The following AK5 variants were observed in gnomAD, a reference collection of about 807,000 sequenced individuals.
The protein encoded by AK5 is adenylate kinase 5, also known as adenylate kinase isoenzyme 5.
In AK5, 27 loss-of-function variants were observed where a neutral mutation model predicts 69.5. The ratio of observed to expected loss-of-function variants is 0.39; its 90% CI spans 0.29 to 0.54. The LOEUF is 0.54. Ranked by LOEUF, AK5 falls within the 20% of genes least tolerant of loss-of-function variation. The pLI is 0.71. For synonymous variants in AK5, 260 were observed against 244.4 expected (o/e 1.06, Z -0.60); for missense variants, 531 against 700.4 (o/e 0.76, Z 2.73).
Position 77,444,863 on chromosome 1 carries a change from A to T in AK5, c.1059+27148A>T, listed in dbSNP as rs1233354436. Among the ~76,000 whole-genome samples the T allele has an allele frequency of 2.0e-5, 3 of 151,338 alleles. No individual in the cohort carries two copies. In the East Asian group the frequency reaches 5.8e-4, roughly 29 times the overall value. ...AAGTGCTGGGATTATCAGGTATAAA[A>T]CACCATCGCTGGCCAATATCTGATC... On this transcript the variant is annotated intron_variant, in intron 8 of 13. Transcript: ENST00000354567.
At chr1:77,527,705 A>G in intron 12 of AK5, among the ~76,000 whole-genome samples, 1 of 152,232 alleles carries the variant, frequency 6.6e-6, no homozygotes, top group Non-Finnish European at 1.5e-5. Context: ...AGATTCTAGT[A>G]TCAATTAAGC....
intron 6 of AK5, among the ~76,000 whole-genome samples, chr1:77,376,435 A>AAAAAAAT (rs1647244742): frequency 3.1e-5 from 1 of 32,602 alleles, no homozygotes; most frequent in Non-Finnish European, 7.3e-5. Context: ...CTCAATGCCA[A>AAAAAAAT]AAAAAAAAAA....
intron 13 of AK5, among the ~76,000 whole-genome samples, chr1:77,539,036 C>T (rs1403508817): frequency 1.3e-5 from 2 of 152,228 alleles, no homozygotes; most frequent in African/African-American, 4.8e-5. Flanking sequence ...GTTTAGAAAA[C>T]AGAAGTGAGG....
At chr1:77,356,746 T>C (rs1246621893) in intron 6 of AK5, among the ~76,000 whole-genome samples, 1 of 152,230 alleles carries the variant, frequency 6.6e-6, no homozygotes, top group Non-Finnish European at 1.5e-5. Flanking sequence ...ATTAGTGCTA[T>C]GGTAGCCATA....
chr1:77,410,217 G>C (rs142707431), intron 6 of AK5, among the ~76,000 whole-genome samples: 2,053 of 151,686 alleles, frequency 0.014, 49 homozygotes, highest in African/African-American at 0.047. Context: ...AGAATCCACA[G>C]ACCACATCTA....
intron 8 of AK5, among the ~76,000 whole-genome samples, chr1:77,448,404 T>C (rs1314689392): frequency 2.0e-5 from 3 of 152,056 alleles, no homozygotes; most frequent in East Asian, 3.9e-4. Context: ...CTGGGTCTCC[T>C]CTCCGCTGAG....
chr1:77,283,665 G>A, intron 1 of AK5: 1 of 962,406 alleles, frequency 1.0e-6, no homozygotes. Flanking sequence ...TCTAGCAAAT[G>A]TGTTACTCCT....
intron 6 of AK5, among the ~76,000 whole-genome samples, chr1:77,363,966 A>AT (rs1377542175): frequency 6.6e-6 from 1 of 152,012 alleles, no homozygotes; most frequent in East Asian, 1.9e-4. Context: ...GAAGGCCGGG[A>AT]TTTTTTTTGT....
intron 2 of AK5, among the ~76,000 whole-genome samples, chr1:77,287,731 T>C (rs959832133): frequency 6.6e-6 from 1 of 152,132 alleles, no homozygotes; most frequent in African/African-American, 2.4e-5. Flanking sequence ...AGAAGATTTA[T>C]AGACAAAAAA....
intron 5 of AK5, among the ~76,000 whole-genome samples, chr1:77,336,747 C>T (rs1349455563): frequency 1.3e-5 from 2 of 152,096 alleles, no homozygotes; most frequent in Non-Finnish European, 2.9e-5. Flanking sequence ...TCTTGTAGGA[C>T]AGGTCTGGTG....
chr1:77,382,854 C>T (rs1266268272), intron 6 of AK5, among the ~76,000 whole-genome samples: 1 of 152,158 alleles, frequency 6.6e-6, no homozygotes, highest in Admixed American at 6.5e-5. Context: ...ACTCTTTCAT[C>T]CAGAATCACA....
chr1:77,368,254 A>ATATATATGTTATATATATGT (rs1647047689), intron 6 of AK5, among the ~76,000 whole-genome samples: 6 of 36,628 alleles, frequency 1.6e-4, no homozygotes, highest in South Asian at 3.5e-3. Context: ...TATATATATA[A>ATATATATGTTATATATATGT]TATATATGTT....
chr1:77,504,443 T>TATA (rs66716942), intron 10 of AK5, among the ~76,000 whole-genome samples: 4 of 131,006 alleles, frequency 3.1e-5, no homozygotes, highest in Non-Finnish European at 5.1e-5. Context: ...ATATATATAT[T>TATA]TTTTTTAATA....
intron 6 of AK5, among the ~76,000 whole-genome samples, chr1:77,393,866 T>C (rs1341325156): frequency 3.3e-5 from 5 of 152,126 alleles, no homozygotes; most frequent in Non-Finnish European, 7.4e-5. Flanking sequence ...AGAGAAACAG[T>C]GCATTATTGT....
intron 10 of AK5, among the ~76,000 whole-genome samples, chr1:77,512,121 A>G (rs1657383323): frequency 6.6e-6 from 1 of 152,232 alleles, no homozygotes; most frequent in South Asian, 2.1e-4. Flanking sequence ...GTTGATAGCA[A>G]TTAAACCCAG....
At chr1:77,507,074 G>A (rs978093334) in intron 10 of AK5, among the ~76,000 whole-genome samples, 2 of 152,134 alleles carry the variant, frequency 1.3e-5, no homozygotes, top group Non-Finnish European at 2.9e-5. Flanking sequence ...AAATACAAGA[G>A]CCATAGTTAG....
intron 7 of AK5, among the ~76,000 whole-genome samples, chr1:77,413,094 T>C (rs533113046): frequency 6.6e-5 from 10 of 151,670 alleles, no homozygotes; most frequent in African/African-American, 2.4e-4. Context: ...TGGCCACGAG[T>C]ACCCTTAGCA....
intron 6 of AK5, among the ~76,000 whole-genome samples, chr1:77,408,413 G>T (rs1194769042): frequency 6.6e-6 from 1 of 151,900 alleles, no homozygotes; most frequent in Non-Finnish European, 1.5e-5. Flanking sequence ...ATGTTTTTTG[G>T]CCACTTGTAA....
chr1:77,431,567 G>A (rs1394318889), intron 8 of AK5, among the ~76,000 whole-genome samples: 1 of 152,138 alleles, frequency 6.6e-6, no homozygotes, highest in Non-Finnish European at 1.5e-5. Context: ...AGAACAATTA[G>A]GAGCCAACGC....
Sources: allele counts gnomAD v4.1 joint callset (sites outside exome capture counted in the v4.1 genomes callset), GRCh38; gene constraint gnomAD v4.1.1; transcripts MANE v1.5; gene names NCBI Gene and HGNC (gene_info 2026-07-23, HGNC 2026-07-21).